GDA: variants seen among roughly 807,000 people sequenced by gnomAD.
GDA encodes cytoplasmic PSD-95 interactor.
GDA carries 18 observed loss-of-function variants against 59.6 expected under a neutral mutation model. The ratio of observed to expected loss-of-function variants is 0.30; its 90% CI spans 0.21 to 0.45. The LOEUF (loss-of-function observed/expected upper bound fraction) is 0.45, where lower values mean the gene tolerates loss of function less well. GDA is among the 20% of genes least tolerant of loss of function. The pLI, the probability that GDA is intolerant of heterozygous loss-of-function variation, is 1.00. For missense variants in GDA, 427 were observed against 552.3 expected (o/e 0.77, Z 2.27); for synonymous variants, 201 against 201.1 (o/e 1.00, Z 0.00).
chr9:72,206,932 T>C (rs1410468928), intron 3 of GDA, among the ~76,000 whole-genome samples: 1 of 151,636 alleles, frequency 6.6e-6, no homozygotes, highest in East Asian at 1.9e-4. Context: ...TTATCAAAAA[T>C]GGCTTTACTT....
chr9:72,213,607 T>C (rs1835674164), intron 4 of GDA, among the ~76,000 whole-genome samples: 3 of 151,692 alleles, frequency 2.0e-5, no homozygotes, highest in Admixed American at 6.6e-5. Flanking sequence ...ATCGAGACCA[T>C]CTTGGCTAAC....
At chr9:72,138,181 G>T (rs1404019045) in intron 1 of GDA, among the ~76,000 whole-genome samples, 1 of 152,162 alleles carries the variant, frequency 6.6e-6, no homozygotes, top group Non-Finnish European at 1.5e-5. Context: ...TTTTACTGGG[G>T]CCCATTGTAT....
At chr9:72,165,817 G>A (rs1484275587) in intron 1 of GDA, among the ~76,000 whole-genome samples, 4 of 151,532 alleles carry the variant, frequency 2.6e-5, no homozygotes, top group Admixed American at 6.6e-5. Context: ...AGAACTGCTC[G>A]AATCCGGGAG....
intron 1 of GDA, among the ~76,000 whole-genome samples, chr9:72,124,018 G>A (rs1398705594): frequency 6.6e-6 from 1 of 152,144 alleles, no homozygotes; most frequent in Non-Finnish European, 1.5e-5. Context: ...TTAGGTGAGT[G>A]GAACACTTGA....
intron 1 of GDA, among the ~76,000 whole-genome samples, chr9:72,119,622 G>A (rs1825590513): frequency 6.6e-6 from 1 of 152,324 alleles, no homozygotes; most frequent in South Asian, 2.1e-4. Context: ...TGAGAAGGTA[G>A]CTGATTTTTA....
At chr9:72,189,488 G>A (rs1007976396) in intron 1 of GDA, among the ~76,000 whole-genome samples, 1 of 152,000 alleles carries the variant, frequency 6.6e-6, no homozygotes, top group Admixed American at 6.6e-5. Context: ...TGAGACTCTG[G>A]ACTTTTGAAT....
intron 6 of GDA, 123 bp from the exon 7 acceptor site, chr9:72,222,997 C>A: frequency 1.8e-6 from 1 of 561,782 alleles, no homozygotes; most frequent in East Asian, 3.2e-5. Flanking sequence ...TGTGAGCCAC[C>A]ACACCTGGCC....
chr9:72,238,175 A>C (rs867194543), intron 10 of GDA, among the ~76,000 whole-genome samples: 11 of 152,268 alleles, frequency 7.2e-5, no homozygotes, highest in Middle Eastern at 3.4e-3. Flanking sequence ...TTATGAATAG[A>C]TATGGCTTTT....
chr9:72,253,655 A>G (rs558447775), downstream of GDA: 1 of 152,296 alleles, frequency 6.6e-6, no homozygotes, highest in Non-Finnish European at 1.5e-5. Flanking sequence ...GCTTCCCACA[A>G]ATTACTGAGC....
At chr9:72,200,145 C>T (rs1017286898) in intron 2 of GDA, among the ~76,000 whole-genome samples, 8 of 151,754 alleles carry the variant, frequency 5.3e-5, no homozygotes, top group Non-Finnish European at 8.8e-5. Flanking sequence ...CTACAGGCGC[C>T]TGCCACCACG....
At chr9:72,223,951 G>T (rs1474330487) in intron 7 of GDA, among the ~76,000 whole-genome samples, 2 of 151,936 alleles carry the variant, frequency 1.3e-5, no homozygotes, top group Non-Finnish European at 2.9e-5. Context: ...TGTTTTTTTG[G>T]TTTTTGTTTC....
rs1840512238 is a variant in GDA at position 72,249,823 on chromosome 9, C to T, written c.*1481C>T. The T allele has an allele frequency of 5.5e-6, 5 of 913,918 alleles. No homozygotes were observed. The highest frequency in any genetic ancestry group is 6.5e-6 in the Non-Finnish European group (5 of 765,028). 56.6% of individuals were successfully genotyped at this position (913,918 alleles called of 1,614,324 possible). A position where few individuals can be genotyped will look rare whatever the true frequency, so the allele number is the denominator to read the frequency against. On this transcript the variant is annotated 3_prime_UTR_variant, in exon 14 of 14. Transcript: ENST00000358399. Reference sequence around the variant, plus strand: ...AAACTTTATGTAATATAGCTAACTCCGTATTTACAGAACAAAAAAACACAG... The same window carrying T: ...AAACTTTATGTAATATAGCTAACTCTGTATTTACAGAACAAAAAAACACAG...
intron 1 of GDA, among the ~76,000 whole-genome samples, chr9:72,175,320 C>T (rs1046172819): frequency 6.6e-6 from 1 of 152,094 alleles, no homozygotes; most frequent in Non-Finnish European, 1.5e-5. Flanking sequence ...GGGTGAACCA[C>T]CACACCCAGC....
At chr9:72,219,597 C>A in intron 6 of GDA, 91 bp downstream of exon 6, 1 of 870,436 alleles carries the variant, frequency 1.1e-6, no homozygotes, top group Non-Finnish European at 1.8e-6. Context: ...AGTCTGTGTA[C>A]GACTGGCTTA....
chr9:72,198,638 A>G (rs1169330979), intron 2 of GDA, among the ~76,000 whole-genome samples: 3 of 151,722 alleles, frequency 2.0e-5, no homozygotes, highest in African/African-American at 7.3e-5. Context: ...TTTTTGTGCA[A>G]TGGAACAGTC....
chr9:72,230,345 G>T (rs1385464745), intron 9 of GDA, among the ~76,000 whole-genome samples: 1 of 151,994 alleles, frequency 6.6e-6, no homozygotes, highest in Non-Finnish European at 1.5e-5. Context: ...GTAGAGACTG[G>T]ACATGCTGGC....
chr9:72,220,230 A>AG (rs1488620134), intron 6 of GDA, among the ~76,000 whole-genome samples: 2 of 152,194 alleles, frequency 1.3e-5, no homozygotes, highest in Non-Finnish European at 2.9e-5. Flanking sequence ...AATCTAAAAA[A>AG]AGTCAAACTT....
chr9:72,213,577 G>A (rs1474587925), intron 4 of GDA, among the ~76,000 whole-genome samples: 1 of 152,046 alleles, frequency 6.6e-6, no homozygotes, highest in Admixed American at 6.5e-5. Flanking sequence ...GCCGAGGCGG[G>A]CGGATCACAA....
At chr9:72,121,794 C>T (rs1587292348) in intron 1 of GDA, among the ~76,000 whole-genome samples, 1 of 152,302 alleles carries the variant, frequency 6.6e-6, no homozygotes, top group Non-Finnish European at 1.5e-5. Flanking sequence ...CACCCAGTGA[C>T]ATCACTGAAA....
Sources: gnomAD v4.1 joint callset for allele counts (sites outside exome capture counted in the v4.1 genomes callset) on GRCh38, gnomAD v4.1.1 for gene constraint, MANE v1.5 for transcripts, NCBI Gene and HGNC (gene_info 2026-07-23, HGNC 2026-07-21) for gene names.